Variants in EYS observed in about 807,000 individuals in gnomAD.
The protein encoded by EYS is protein eyes shut homolog.
Under a neutral mutation model 282.1 loss-of-function variants are expected in EYS, and 250 were observed. That is an observed-to-expected ratio of 0.89 (90% CI 0.80 to 0.98). The LOEUF (loss-of-function observed/expected upper bound fraction) is 0.98. Ranked by LOEUF, EYS falls within the 50% of genes least tolerant of loss-of-function variation. The pLI is 0.00. For synonymous variants in EYS, 1,355 were observed against 1,282.9 expected (o/e 1.06, Z -1.20); for missense variants, 4,016 against 3,709.0 (o/e 1.08, Z -2.15).
intron 5 of EYS, among the ~76,000 whole-genome samples, chr6:65,434,390 G>A (rs1283458437): frequency 6.7e-6 from 1 of 150,142 alleles, no homozygotes; most frequent in East Asian, 2.0e-4. Flanking sequence ...GTGCAATCTC[G>A]GCTCACTGCA....
At chr6:65,201,866 A>C (rs550380977) in intron 12 of EYS, among the ~76,000 whole-genome samples, 1 of 152,066 alleles carries the variant, frequency 6.6e-6, no homozygotes, top group South Asian at 2.1e-4. Context: ...TAATTCCAGC[A>C]CTTTGAGAAG....
At chr6:64,799,818 A>G (rs935103826) in intron 22 of EYS, among the ~76,000 whole-genome samples, 9 of 151,866 alleles carry the variant, frequency 5.9e-5, no homozygotes, top group African/African-American at 1.2e-4. Context: ...ACATAAATAA[A>G]GTAGAATTGG....
chr6:64,261,482 A>AT (rs758496745), intron 30 of EYS, among the ~76,000 whole-genome samples: 25 of 152,032 alleles, frequency 1.6e-4, no homozygotes, highest in Non-Finnish European at 3.2e-4. Context: ...GTCTTATTTT[A>AT]TTGTCCAGAA....
At chr6:64,618,933 A>G (rs541358275) in intron 23 of EYS, among the ~76,000 whole-genome samples, 8 of 152,336 alleles carry the variant, frequency 5.3e-5, no homozygotes, top group Admixed American at 4.6e-4. Context: ...GCATAAAAAC[A>G]TATTGCATAA....
intron 26 of EYS, among the ~76,000 whole-genome samples, chr6:64,458,296 G>T (rs1270463228): frequency 2.0e-5 from 3 of 151,866 alleles, no homozygotes; most frequent in African/African-American, 4.8e-5. Context: ...ATGTTTTTGT[G>T]TTGCTTAGTA....
chr6:65,305,761 CT>C (rs1768987566), intron 11 of EYS, among the ~76,000 whole-genome samples: 1 of 152,224 alleles, frequency 6.6e-6, no homozygotes, highest in African/African-American at 2.4e-5. Flanking sequence ...TGCCTCCTTG[CT>C]GGCATTGAAT....
chr6:63,890,815 T>G (rs544413495), intron 35 of EYS, among the ~76,000 whole-genome samples: 1 of 152,274 alleles, frequency 6.6e-6, no homozygotes, highest in African/African-American at 2.4e-5. Context: ...GAGCTGGTTT[T>G]TTGAAAACAT....
chr6:65,144,920 C>A (rs1248419590), intron 12 of EYS, among the ~76,000 whole-genome samples: 1 of 151,782 alleles, frequency 6.6e-6, no homozygotes, highest in African/African-American at 2.4e-5. Context: ...TAGGCATGCC[C>A]CATCTCATTT....
At chr6:65,418,962 T>C (rs949821131) in intron 5 of EYS, among the ~76,000 whole-genome samples, 3 of 151,968 alleles carry the variant, frequency 2.0e-5, no homozygotes, top group Admixed American at 6.6e-5. Context: ...ATCAAAGCCT[T>C]AAAGCTTTGA....
At chr6:63,926,108 A>G (rs879872555) in intron 35 of EYS, among the ~76,000 whole-genome samples, 3 of 152,172 alleles carry the variant, frequency 2.0e-5, no homozygotes, top group Non-Finnish European at 2.9e-5. Flanking sequence ...CACAGGGATC[A>G]TCCTATCAGC....
At chr6:64,178,594 T>C (rs1271416985) in intron 31 of EYS, among the ~76,000 whole-genome samples, 2 of 152,002 alleles carry the variant, frequency 1.3e-5, no homozygotes, top group Non-Finnish European at 2.9e-5. Flanking sequence ...TTACTCTTAG[T>C]AGGAATCAGA....
chr6:65,263,795 A>G (rs1468863143), intron 12 of EYS, among the ~76,000 whole-genome samples: 1 of 151,512 alleles, frequency 6.6e-6, no homozygotes, highest in Non-Finnish European at 1.5e-5. Context: ...CAGTTACTTG[A>G]TAGGCAGAGG....
intron 13 of EYS, among the ~76,000 whole-genome samples, chr6:65,048,173 C>A (rs1773157986): frequency 6.6e-6 from 1 of 151,016 alleles, no homozygotes. Context: ...GTCTCACGTT[C>A]CCCCTATTTA....
chr6:65,314,680 G>T (rs1769254107), intron 11 of EYS, among the ~76,000 whole-genome samples: 1 of 150,092 alleles, frequency 6.7e-6, no homozygotes, highest in African/African-American at 2.5e-5. Flanking sequence ...CAGAAATCTT[G>T]TATCTACTGA....
intron 1 of EYS, among the ~76,000 whole-genome samples, chr6:65,640,883 C>A (rs2149813402): frequency 6.6e-6 from 1 of 152,150 alleles, no homozygotes; most frequent in Admixed American, 6.5e-5. Flanking sequence ...TTATCAGCCA[C>A]AATTTTTTTT....
At chr6:64,626,011 T>G in intron 23 of EYS, 110 bp downstream of exon 23, 1 of 613,500 alleles carries the variant, frequency 1.6e-6, no homozygotes, top group Non-Finnish European at 2.8e-6. Context: ...AACAATAGTA[T>G]TGGTGGAGTG....
intron 11 of EYS, among the ~76,000 whole-genome samples, chr6:65,327,663 T>C (rs1769661673): frequency 6.6e-6 from 1 of 151,520 alleles, no homozygotes; most frequent in Non-Finnish European, 1.5e-5. Flanking sequence ...ATATTAAAAA[T>C]TAACCAAGAT....
intron 12 of EYS, among the ~76,000 whole-genome samples, chr6:65,280,031 T>C (rs1768172940): frequency 1.3e-5 from 2 of 152,142 alleles, no homozygotes; most frequent in South Asian, 4.1e-4. Flanking sequence ...AACCACTTAT[T>C]TTTTTGTGGT....
Position 63,721,061 on chromosome 6 carries a change from T to A in EYS, c.8970A>T (p.Lys2990Asn). The A allele has an allele frequency of 1.3e-6, 2 of 1,551,392 alleles. No individual in the cohort carries two copies. The highest frequency in any genetic ancestry group is 1.7e-6 in the Non-Finnish European group (2 of 1,146,818). The stretch of plus-strand genomic sequence containing the variant: ...CCATCCATACAATTAGACCTTCTGT[T>A]TTAGTGGTACTGAAATTTAAGGATA... Reference protein sequence around the residue: ...TTISLNFSTTKTEGLIVWMGI... With the variant: ...TTISLNFSTTNTEGLIVWMGI... Residue 2990 changes from lysine (K) to asparagine (N), a missense_variant, in exon 43 of 43, where the codon AAA becomes AAT. Coordinates refer to ENST00000503581, the MANE Select transcript of EYS (RefSeq NM_001142800.2).
Sources: allele counts gnomAD v4.1 joint callset (sites outside exome capture counted in the v4.1 genomes callset), GRCh38; gene constraint gnomAD v4.1.1; transcripts MANE v1.5; gene names NCBI Gene and HGNC (gene_info 2026-07-23, HGNC 2026-07-21).